Variants in XKR6 observed in about 807,000 individuals in gnomAD.
The protein encoded by XKR6 is XK related 6, also known as XK-related protein 6.
XKR6 carries 22 observed loss-of-function variants against 56.7 expected under a neutral mutation model. That is an observed-to-expected ratio of 0.39 (90% CI 0.28 to 0.55). The LOEUF (loss-of-function observed/expected upper bound fraction) is 0.55, where lower values mean the gene tolerates loss of function less well. Among genes scored for constraint, XKR6 ranks in the 20% least tolerant of loss-of-function variants. The pLI, the probability that XKR6 is intolerant of heterozygous loss-of-function variation, is 0.66. For missense variants in XKR6, 852 were observed against 889.0 expected (o/e 0.96, Z 0.53); for synonymous variants, 524 against 387.8 (o/e 1.35, Z -4.13).
At chr8:11,122,718 A>G (rs755371446) in intron 1 of XKR6, among the ~76,000 whole-genome samples, 57 of 152,216 alleles carry the variant, frequency 3.7e-4, no homozygotes, top group Non-Finnish European at 6.5e-4. Context: ...TCTGTTTACC[A>G]TTGGTAATCA....
intron 1 of XKR6, among the ~76,000 whole-genome samples, chr8:11,012,382 AGAAAAACTG>A (rs1338789644): frequency 6.6e-6 from 1 of 152,340 alleles, no homozygotes; most frequent in East Asian, 1.9e-4. Context: ...CTATATCTTA[AGAAAAACTG>A]AATGAGTTAA....
intron 1 of XKR6, among the ~76,000 whole-genome samples, chr8:10,979,830 C>T (rs1413117830): frequency 2.6e-5 from 4 of 152,178 alleles, no homozygotes; most frequent in Admixed American, 1.3e-4. Flanking sequence ...TGTGCCGTCA[C>T]GCACAGACTC....
intron 1 of XKR6, among the ~76,000 whole-genome samples, chr8:11,055,276 G>A (rs1799653518): frequency 1.3e-5 from 2 of 152,090 alleles, no homozygotes; most frequent in Admixed American, 1.3e-4. Context: ...AAACATGGAG[G>A]CTGCAGGCAG....
At chr8:11,012,363 T>C (rs546740134) in intron 1 of XKR6, among the ~76,000 whole-genome samples, 2 of 152,350 alleles carry the variant, frequency 1.3e-5, no homozygotes, top group African/African-American at 4.8e-5. Flanking sequence ...ATGGGGATAA[T>C]GACAGCACCT....
intron 1 of XKR6, among the ~76,000 whole-genome samples, chr8:11,000,497 C>G (rs1162741091): frequency 3.3e-5 from 5 of 152,066 alleles, no homozygotes; most frequent in African/African-American, 1.2e-4. Flanking sequence ...ACCAGCCTAG[C>G]CAGCATGGTG....
intron 1 of XKR6, among the ~76,000 whole-genome samples, chr8:11,096,733 G>A (rs1798273560): frequency 6.6e-6 from 1 of 152,204 alleles, no homozygotes. Flanking sequence ...CCAACAGCTG[G>A]GTCCTTGGGC....
intron 1 of XKR6, among the ~76,000 whole-genome samples, chr8:11,126,821 T>C (rs528481243): frequency 1.3e-5 from 2 of 152,282 alleles, no homozygotes; most frequent in East Asian, 1.9e-4. Flanking sequence ...CTGGGGCCGA[T>C]GTATGTGCCC....
At chr8:11,128,999 CTT>C (rs367545002) in intron 1 of XKR6, 21 of 456,282 alleles carry the variant, frequency 4.6e-5, no homozygotes, top group South Asian at 1.7e-4. Flanking sequence ...TCTGTTCTCT[CTT>C]GTTAACTGAG....
At chr8:10,949,198 C>T (rs1005658990) in intron 1 of XKR6, among the ~76,000 whole-genome samples, 4 of 152,244 alleles carry the variant, frequency 2.6e-5, no homozygotes, top group Non-Finnish European at 4.4e-5. Flanking sequence ...CCCCCTACTC[C>T]CGCTTCCAGC....
At chr8:11,074,944 ACT>A (rs1800232196) in intron 1 of XKR6, among the ~76,000 whole-genome samples, 1 of 152,040 alleles carries the variant, frequency 6.6e-6, no homozygotes, top group Non-Finnish European at 1.5e-5. Flanking sequence ...GCAGTGGAAA[ACT>A]CTGCAGTGTC....
intron 1 of XKR6, among the ~76,000 whole-genome samples, chr8:11,028,811 C>G (rs965408176): frequency 6.6e-6 from 1 of 152,204 alleles, no homozygotes; most frequent in Non-Finnish European, 1.5e-5. Flanking sequence ...GGCCCAGGCA[C>G]TATGACAGTC....
intron 1 of XKR6, chr8:11,104,716 A>C (rs1798612308): frequency 6.6e-6 from 1 of 152,226 alleles, no homozygotes; most frequent in Non-Finnish European, 1.5e-5. Context: ...ATTAGTGTTC[A>C]ATTAGTTTTT....
chr8:11,157,237 C>T (rs529260188), intron 1 of XKR6, among the ~76,000 whole-genome samples: 103 of 152,214 alleles, frequency 6.8e-4, no homozygotes, highest in African/African-American at 2.2e-3. Context: ...GACAACAAAA[C>T]GCAAGATGGT....
chr8:10,901,729 A>G (rs1012699782), intron 2 of XKR6, among the ~76,000 whole-genome samples: 1 of 152,176 alleles, frequency 6.6e-6, no homozygotes, highest in Non-Finnish European at 1.5e-5. Flanking sequence ...GAAAAGCGTG[A>G]GTGCTGAGCT....
chr8:10,968,214 G>A (rs1280485886), intron 1 of XKR6, among the ~76,000 whole-genome samples: 1 of 152,194 alleles, frequency 6.6e-6, no homozygotes, highest in Non-Finnish European at 1.5e-5. Flanking sequence ...ACCGCTCCTA[G>A]GCCTCCCAGG....
At chr8:10,946,530 C>T (rs1193219626) in intron 1 of XKR6, among the ~76,000 whole-genome samples, 1 of 152,038 alleles carries the variant, frequency 6.6e-6, no homozygotes, top group Non-Finnish European at 1.5e-5. Flanking sequence ...ACCCCTCCCA[C>T]CCCTGGGGGT....
intron 1 of XKR6, among the ~76,000 whole-genome samples, chr8:11,058,640 G>C (rs1350214388): frequency 6.6e-6 from 1 of 152,150 alleles, no homozygotes; most frequent in African/African-American, 2.4e-5. Flanking sequence ...TGAACAATGA[G>C]AACAGATGGA....
intron 2 of XKR6, among the ~76,000 whole-genome samples, chr8:10,900,024 A>G (rs550549317): frequency 4.1e-4 from 62 of 152,080 alleles, no homozygotes; most frequent in African/African-American, 1.5e-3. Context: ...CTCCCCGTGC[A>G]TCAGTTCCAC....
At chr8:10,925,320 A>G (rs1051497879) in intron 1 of XKR6, among the ~76,000 whole-genome samples, 1 of 152,200 alleles carries the variant, frequency 6.6e-6, no homozygotes, top group African/African-American at 2.4e-5. Flanking sequence ...GGCCATGCCC[A>G]GGTGGTAAGT....
Sources: allele counts gnomAD v4.1 joint callset (sites outside exome capture counted in the v4.1 genomes callset), GRCh38; gene constraint gnomAD v4.1.1; transcripts MANE v1.5; gene names NCBI Gene and HGNC (gene_info 2026-07-23, HGNC 2026-07-21).